FRMD4A: variants seen among roughly 807,000 people sequenced by gnomAD.
FRMD4A encodes the protein FERM domain-containing protein 4A.
FRMD4A carries 29 observed loss-of-function variants against 129.1 expected under a neutral mutation model. That is an observed-to-expected ratio of 0.22 (90% CI 0.17 to 0.31). The LOEUF is 0.31. Ranked by LOEUF, FRMD4A falls within the 10% of genes least tolerant of loss-of-function variation. FRMD4A has a pLI of 1.00. For missense variants in FRMD4A, 1,272 were observed against 1,375.8 expected (o/e 0.92, Z 1.19); for synonymous variants, 634 against 571.6 (o/e 1.11, Z -1.56).
At chr10:14,128,035 C>CTTT (rs1564319837) in intron 2 of FRMD4A, among the ~76,000 whole-genome samples, 7 of 121,094 alleles carry the variant, frequency 5.8e-5, no homozygotes, top group African/African-American at 2.4e-4. Flanking sequence ...TTCCTTCCTT[C>CTTT]CTTTCTTTCC....
chr10:14,013,407 G>C (rs757552817), intron 2 of FRMD4A, among the ~76,000 whole-genome samples: 4 of 152,164 alleles, frequency 2.6e-5, no homozygotes, highest in Non-Finnish European at 5.9e-5. Context: ...AAGCAGGTTT[G>C]AAATCCCTCA....
chr10:14,055,844 T>C (rs1834500735), intron 2 of FRMD4A, among the ~76,000 whole-genome samples: 1 of 152,254 alleles, frequency 6.6e-6, no homozygotes, highest in South Asian at 2.1e-4. Flanking sequence ...AATGCAATTA[T>C]AGTCTTTTCG....
intron 2 of FRMD4A, among the ~76,000 whole-genome samples, chr10:14,303,751 C>T (rs1306403081): frequency 6.6e-6 from 1 of 152,068 alleles, no homozygotes; most frequent in African/African-American, 2.4e-5. Context: ...GCTTTTTCCC[C>T]CTCTTCATTC....
At chr10:14,184,615 G>A (rs1393407816) in intron 2 of FRMD4A, among the ~76,000 whole-genome samples, 1 of 152,074 alleles carries the variant, frequency 6.6e-6, no homozygotes, top group Non-Finnish European at 1.5e-5. Flanking sequence ...CACCGTGCCC[G>A]TCTCCTGAGG....
chr10:14,088,865 G>A (rs1223668139), intron 2 of FRMD4A, among the ~76,000 whole-genome samples: 2 of 151,492 alleles, frequency 1.3e-5, no homozygotes, highest in African/African-American at 2.4e-5. Flanking sequence ...GGAGGGACTA[G>A]AGGTCCATAA....
intron 15 of FRMD4A, chr10:13,684,555 A>G: frequency 1.0e-6 from 1 of 985,584 alleles, no homozygotes; most frequent in Non-Finnish European, 1.2e-6. Context: ...GACACATGGA[A>G]GGACAGCCTC....
chr10:13,741,108 T>C (rs1026943137), intron 9 of FRMD4A, among the ~76,000 whole-genome samples: 1 of 152,034 alleles, frequency 6.6e-6, no homozygotes, highest in Non-Finnish European at 1.5e-5. Flanking sequence ...ATTACAGGCG[T>C]GAGCCACCAT....
intron 2 of FRMD4A, among the ~76,000 whole-genome samples, chr10:14,165,401 T>C (rs929168377): frequency 4.6e-5 from 7 of 152,214 alleles, no homozygotes; most frequent in Non-Finnish European, 7.3e-5. Flanking sequence ...GGAATGCCTA[T>C]ACACTGTTAG....
intron 2 of FRMD4A, among the ~76,000 whole-genome samples, chr10:14,168,282 A>C (rs1841297103): frequency 6.6e-6 from 1 of 152,182 alleles, no homozygotes; most frequent in Non-Finnish European, 1.5e-5. Flanking sequence ...AATTACTATA[A>C]AGATCACATG....
chr10:14,079,054 T>C (rs1835776152), intron 2 of FRMD4A, among the ~76,000 whole-genome samples: 1 of 152,212 alleles, frequency 6.6e-6, no homozygotes. Context: ...TCTTTTGCTT[T>C]TGAAACAGAA....
At chr10:14,218,595 T>G (rs1843146406) in intron 2 of FRMD4A, among the ~76,000 whole-genome samples, 1 of 152,284 alleles carries the variant, frequency 6.6e-6, no homozygotes, top group Non-Finnish European at 1.5e-5. Context: ...GTCTCACGCC[T>G]GTAATCCCGG....
rs1564739492 is a variant in FRMD4A at position 13,750,116 on chromosome 10, G to GAAAGAAAT, written c.465-2298_465-2297insATTTCTTT. On this transcript the variant is annotated intron_variant, in intron 8 of 24. Coordinates refer to ENST00000357447, the MANE Select transcript of FRMD4A (RefSeq NM_018027.5). Reference sequence around the variant, plus strand: ...AGAAAGAAAGAAAGAAATGAAGAAAGAAAGAAAGAAAGAAAGAAAGAAAGA... The same window carrying GAAAGAAAT: ...AGAAAGAAAGAAAGAAATGAAGAAAGAAAGAAATAAAGAAAGAAAGAAAGAAAGAAAGA... Among the ~76,000 whole-genome samples the GAAAGAAAT allele has an allele frequency of 2.2e-4, 27 of 120,880 alleles. 1 individual carries two copies. Among genetic ancestry groups the GAAAGAAAT allele is most frequent in the African/African-American group, 7.5e-4 (25 of 33,256 alleles). The allele number at this position is 120,880 out of a possible 152,430, so 79.3% of individuals were successfully genotyped here. A position where few individuals can be genotyped will look rare whatever the true frequency, so the allele number is the denominator to read the frequency against.
intron 2 of FRMD4A, among the ~76,000 whole-genome samples, chr10:13,952,194 T>C (rs2095376808): frequency 6.6e-6 from 1 of 151,422 alleles, no homozygotes; most frequent in Non-Finnish European, 1.5e-5. Flanking sequence ...TTTATTATTA[T>C]TATTTTTTAA....
intron 2 of FRMD4A, among the ~76,000 whole-genome samples, chr10:14,208,982 G>A (rs552158208): frequency 4.6e-5 from 7 of 152,252 alleles, no homozygotes; most frequent in South Asian, 4.1e-4. Context: ...TAGGAGGCCC[G>A]TGGTAGGGAG....
At chr10:14,030,788 G>A (rs1020875205) in intron 2 of FRMD4A, among the ~76,000 whole-genome samples, 3 of 152,190 alleles carry the variant, frequency 2.0e-5, no homozygotes, top group African/African-American at 4.8e-5. Flanking sequence ...CCATGTTTGT[G>A]TAGATGGCTT....
intron 2 of FRMD4A, among the ~76,000 whole-genome samples, chr10:14,024,526 C>G (rs539975087): frequency 6.6e-6 from 1 of 152,312 alleles, no homozygotes; most frequent in South Asian, 2.1e-4. Context: ...GGCAGGGTTG[C>G]CACTAATGGG....
chr10:14,144,392 C>T (rs981373042), intron 2 of FRMD4A, among the ~76,000 whole-genome samples: 2 of 152,176 alleles, frequency 1.3e-5, no homozygotes, highest in Middle Eastern at 3.2e-3. Flanking sequence ...GCTTGTTTCT[C>T]TCACTCCTGT....
At chr10:14,134,066 T>C (rs767266556) in intron 2 of FRMD4A, among the ~76,000 whole-genome samples, 1 of 152,216 alleles carries the variant, frequency 6.6e-6, no homozygotes, top group Non-Finnish European at 1.5e-5. Flanking sequence ...TATAGAGCCA[T>C]ATCTGTGATT....
At chr10:13,662,979 G>A (rs1259216523) in intron 19 of FRMD4A, among the ~76,000 whole-genome samples, 2 of 152,012 alleles carry the variant, frequency 1.3e-5, no homozygotes, top group Non-Finnish European at 2.9e-5. Flanking sequence ...GGGAGGCCGA[G>A]GTGGGTGGGT....
Sources: gnomAD v4.1 joint callset for allele counts (sites outside exome capture counted in the v4.1 genomes callset) on GRCh38, gnomAD v4.1.1 for gene constraint, MANE v1.5 for transcripts, NCBI Gene and HGNC (gene_info 2026-07-23, HGNC 2026-07-21) for gene names.